XPO7: variants seen among roughly 807,000 people sequenced by gnomAD.
The protein encoded by XPO7 is exportin-7.
XPO7 carries 21 observed loss-of-function variants against 144.3 expected under a neutral mutation model. The ratio of observed to expected loss-of-function variants is 0.15; its 90% CI spans 0.10 to 0.21. XPO7 has a LOEUF of 0.21. XPO7 is among the 10% of genes least tolerant of loss of function. The pLI, the probability that XPO7 is intolerant of heterozygous loss-of-function variation, is 1.00. For missense variants in XPO7, 808 were observed against 1,325.8 expected, an observed-to-expected ratio of 0.61 and a Z score of 6.06; for synonymous variants, 580 against 499.6, an observed-to-expected ratio of 1.16 and a Z score of -2.15.
rs536467886 is a variant in XPO7 at position 21,923,060 on chromosome 8, A to G, written c.18+3272A>G. On this transcript the variant is annotated intron_variant, in intron 1 of 27. Transcript: ENST00000252512. ...GTTTTTTCAGCTTTTAACAATATGC[A>G]AGGAAATGATAAGTGCTATGGGTAG... Among the ~76,000 whole-genome samples the G allele has an allele frequency of 8.5e-5, 13 of 152,356 alleles. No homozygotes were observed. The South Asian group carries it at 1.7e-3, about 19-fold the overall frequency.
intron 8 of XPO7, 126 bp downstream of exon 8, chr8:21,977,969 T>G (rs918133305): frequency 2.6e-5 from 20 of 768,738 alleles, no homozygotes; most frequent in Non-Finnish European, 4.1e-6. Flanking sequence ...AGGCTAGTTA[T>G]CTAGTCTTTT....
At chr8:21,980,389 C>A (rs1371794209) in intron 9 of XPO7, among the ~76,000 whole-genome samples, 186 bp downstream of exon 9, 1 of 152,054 alleles carries the variant, frequency 6.6e-6, no homozygotes, top group Non-Finnish European at 1.5e-5. Context: ...TATATCCTCC[C>A]GCTTCAGAAA....
chr8:21,977,671 A>T, intron 7 of XPO7, 99 bp from the exon 8 acceptor site: 1 of 1,063,908 alleles, frequency 9.4e-7, no homozygotes, highest in South Asian at 1.4e-5. Context: ...TAAGATAAGT[A>T]GGCAGAAGGA....
chr8:21,961,529 C>T (rs181747503), intron 1 of XPO7, among the ~76,000 whole-genome samples: 128 of 152,136 alleles, frequency 8.4e-4, no homozygotes, highest in African/African-American at 3.0e-3. Flanking sequence ...ATATGTGTAC[C>T]TTTATACTCC....
At position 21,949,709 on chromosome 8, in the gene XPO7, C is replaced by T. The variant is rs546668873; in HGVS notation, c.19-17148C>T. On this transcript the variant is annotated intron_variant, in intron 1 of 27. Coordinates refer to ENST00000252512, the MANE Select transcript of XPO7 (RefSeq NM_015024.5). ...GGAGTCAGGTGAAGCTCAGTCATGG[C>T]CAGGCTGTTTGTTGTTGTTATTGTT... is the stretch of plus-strand genomic sequence containing the variant. Among the ~76,000 whole-genome samples the T allele has an allele frequency of 4.6e-5, 6 of 129,886 alleles. No individual in the cohort carries two copies. In the East Asian group the frequency reaches 1.4e-3, roughly 30 times the overall value. The allele number at this position is 129,886 out of a possible 152,430, so 85.2% of individuals were successfully genotyped here.
chr8:21,951,201 T>C (rs1296113636), intron 1 of XPO7, among the ~76,000 whole-genome samples: 4 of 152,048 alleles, frequency 2.6e-5, no homozygotes, highest in Non-Finnish European at 4.4e-5. Flanking sequence ...TGGTGGACAT[T>C]ATCCAGAGAG....
At chr8:21,951,561 T>C (rs1399487674) in intron 1 of XPO7, among the ~76,000 whole-genome samples, 1 of 152,216 alleles carries the variant, frequency 6.6e-6, no homozygotes, top group Admixed American at 6.5e-5. Context: ...ATAAATAGTC[T>C]AGGGCAGAGC....
At chr8:21,964,926 T>TCC (rs1367465338) in intron 1 of XPO7, among the ~76,000 whole-genome samples, 1 of 152,150 alleles carries the variant, frequency 6.6e-6, no homozygotes, top group African/African-American at 2.4e-5. Context: ...TGATCAGACT[T>TCC]TAAGGAGAGC....
chr8:21,970,392 A>ACACAC, intron 4 of XPO7, 82 bp downstream of exon 4: 7 of 1,269,862 alleles, frequency 5.5e-6, no homozygotes, highest in Non-Finnish European at 7.5e-6. Flanking sequence ...ACACACACAC[A>ACACAC]ACTTAACACG....
intron 1 of XPO7, among the ~76,000 whole-genome samples, chr8:21,953,289 A>C (rs551607870): frequency 6.6e-6 from 1 of 152,034 alleles, no homozygotes; most frequent in African/African-American, 2.4e-5. Context: ...CCCCCCTGCA[A>C]ACTCCTGGCA....
At chr8:21,924,335 A>G (rs1033239990) in intron 1 of XPO7, among the ~76,000 whole-genome samples, 21 of 152,136 alleles carry the variant, frequency 1.4e-4, no homozygotes, top group Admixed American at 5.9e-4. Context: ...GTTCAGCTTG[A>G]TGAATTTTCA....
intron 1 of XPO7, among the ~76,000 whole-genome samples, chr8:21,927,488 T>G (rs1309609804): frequency 6.6e-6 from 1 of 151,938 alleles, no homozygotes. Flanking sequence ...AAGGCACATT[T>G]CGTGTTAACA....
intron 26 of XPO7, 83 bp from the exon 27 acceptor site, chr8:22,003,820 C>T (rs1041069518): frequency 1.9e-6 from 3 of 1,577,020 alleles, no homozygotes; most frequent in South Asian, 1.1e-5. Flanking sequence ...TAGAGAAGAA[C>T]ATTCTTCAAC....
chr8:21,985,139 G>A (rs1812539065), intron 12 of XPO7, among the ~76,000 whole-genome samples: 1 of 152,194 alleles, frequency 6.6e-6, no homozygotes, highest in Non-Finnish European at 1.5e-5. Flanking sequence ...AAGTAGCTGG[G>A]ACTACAGGCA....
chr8:21,930,588 A>G (rs1320643258), intron 1 of XPO7, among the ~76,000 whole-genome samples: 2 of 152,192 alleles, frequency 1.3e-5, no homozygotes, highest in African/African-American at 4.8e-5. Flanking sequence ...AGCTATATGT[A>G]TGTTCACTTA....
chr8:21,940,494 G>C (rs1461979274), intron 1 of XPO7, among the ~76,000 whole-genome samples: 1 of 150,868 alleles, frequency 6.6e-6, no homozygotes, highest in East Asian at 1.9e-4. Flanking sequence ...TTTTGAGCCG[G>C]AGTCTCACTG....
chr8:22,003,711 T>C (rs1331058651), intron 26 of XPO7, among the ~76,000 whole-genome samples, 192 bp from the exon 27 acceptor site: 1 of 152,178 alleles, frequency 6.6e-6, no homozygotes, highest in Non-Finnish European at 1.5e-5. Context: ...ATTTAAAAAT[T>C]CTTGATATTC....
chr8:21,958,636 T>G (rs754874739), intron 1 of XPO7, among the ~76,000 whole-genome samples: 11 of 149,012 alleles, frequency 7.4e-5, no homozygotes, highest in Admixed American at 1.3e-4. Flanking sequence ...GTAAAGGACC[T>G]TACAGTTGTT....
At chr8:21,973,069 G>A (rs1346955710) in intron 5 of XPO7, among the ~76,000 whole-genome samples, 1 of 152,200 alleles carries the variant, frequency 6.6e-6, no homozygotes, top group African/African-American at 2.4e-5. Flanking sequence ...TCTGGATCAG[G>A]AAACTGAGGC....
Sources: gnomAD v4.1 joint callset for allele counts (sites outside exome capture counted in the v4.1 genomes callset) on GRCh38, gnomAD v4.1.1 for gene constraint, MANE v1.5 for transcripts, NCBI Gene and HGNC (gene_info 2026-07-23, HGNC 2026-07-21) for gene names.